Variants in PLXNA2 observed in about 807,000 individuals in gnomAD.
The protein encoded by PLXNA2 is plexin-A2.
A neutral mutation model predicts 193.5 loss-of-function variants in PLXNA2; 91 were observed. That is an observed-to-expected ratio of 0.47 (90% CI 0.40 to 0.56). The LOEUF is 0.56. Ranked by LOEUF, PLXNA2 falls within the 20% of genes least tolerant of loss-of-function variation. The pLI, the probability that PLXNA2 is intolerant of heterozygous loss-of-function variation, is 0.00. For synonymous variants in PLXNA2, 997 were observed against 1,027.3 expected, an observed-to-expected ratio of 0.97 and a Z score of 0.56; for missense variants, 1,995 against 2,503.2, an observed-to-expected ratio of 0.80 and a Z score of 4.33.
At chr1:208,178,797 C>T (rs1282475806) in intron 3 of PLXNA2, among the ~76,000 whole-genome samples, 1 of 152,248 alleles carries the variant, frequency 6.6e-6, no homozygotes, top group Non-Finnish European at 1.5e-5. Context: ...CTTACAAAAT[C>T]AGCATTTGGA....
chr1:208,188,258 T>G (rs1267406870), intron 3 of PLXNA2, among the ~76,000 whole-genome samples: 4 of 152,152 alleles, frequency 2.6e-5, no homozygotes, highest in African/African-American at 4.8e-5. Context: ...TCTAGCAAGA[T>G]AGGCTGAATG....
chr1:208,128,295 A>T (rs1262490546), intron 4 of PLXNA2, among the ~76,000 whole-genome samples: 2 of 152,180 alleles, frequency 1.3e-5, no homozygotes, highest in African/African-American at 4.8e-5. Context: ...AGGATGAAAA[A>T]TGGGCAACGT....
chr1:208,186,593 A>G (rs1473587975), intron 3 of PLXNA2, among the ~76,000 whole-genome samples: 2 of 152,192 alleles, frequency 1.3e-5, no homozygotes, highest in Non-Finnish European at 2.9e-5. Flanking sequence ...TCAGAAAGGT[A>G]GGCTTGGAGG....
At chr1:208,041,531 C>T (rs1051492765) in intron 22 of PLXNA2, among the ~76,000 whole-genome samples, 17 of 152,298 alleles carry the variant, frequency 1.1e-4, no homozygotes, top group Middle Eastern at 3.4e-3. Flanking sequence ...GAACCTTCTG[C>T]GATAATGGGA....
intron 3 of PLXNA2, among the ~76,000 whole-genome samples, chr1:208,174,801 C>G (rs1042780687): frequency 2.6e-5 from 4 of 152,244 alleles, no homozygotes; most frequent in South Asian, 4.1e-4. Flanking sequence ...GTGTTCCCCC[C>G]ACCTGTATAT....
At chr1:208,101,581 A>C (rs1307829641) in intron 5 of PLXNA2, among the ~76,000 whole-genome samples, 3 of 152,222 alleles carry the variant, frequency 2.0e-5, no homozygotes, top group African/African-American at 7.2e-5. Flanking sequence ...GGCTAATTCC[A>C]GCAGTCACGG....
chr1:208,221,381 G>GTTT (rs33915614), intron 1 of PLXNA2, among the ~76,000 whole-genome samples: 6 of 58,080 alleles, frequency 1.0e-4, no homozygotes, highest in African/African-American at 1.3e-4. Flanking sequence ...TTCTTTTTCT[G>GTTT]TTTTTTTTTT....
At chr1:208,121,476 AT>A (rs1017657475) in intron 4 of PLXNA2, among the ~76,000 whole-genome samples, 2 of 152,128 alleles carry the variant, frequency 1.3e-5, no homozygotes, top group Non-Finnish European at 2.9e-5. Context: ...TAATTGAATC[AT>A]GGGGGTGGTT....
chr1:208,079,787 T>C (rs901742600), intron 11 of PLXNA2, among the ~76,000 whole-genome samples: 1 of 113,438 alleles, frequency 8.8e-6, no homozygotes, highest in African/African-American at 3.1e-5. Flanking sequence ...AAGATAATCG[T>C]TGTTTTTTTT....
intron 3 of PLXNA2, among the ~76,000 whole-genome samples, chr1:208,201,704 C>G (rs1670558091): frequency 6.6e-6 from 1 of 152,044 alleles, no homozygotes; most frequent in Non-Finnish European, 1.5e-5. Flanking sequence ...TTTATTTAAT[C>G]CTTACAACAA....
At chr1:208,027,965 C>T in intron 31 of PLXNA2, 44 bp downstream of exon 31, 1 of 1,513,810 alleles carries the variant, frequency 6.6e-7, no homozygotes, top group Non-Finnish European at 8.9e-7. Flanking sequence ...AGGCTTCCTG[C>T]TCCTTGCCTG....
At chr1:208,150,195 TAC>T (rs1298392019) in intron 3 of PLXNA2, among the ~76,000 whole-genome samples, 5 of 152,120 alleles carry the variant, frequency 3.3e-5, no homozygotes, top group Non-Finnish European at 5.9e-5. Flanking sequence ...CTCCCACCCT[TAC>T]ACACACACGC....
chr1:208,045,776 A>T, intron 18 of PLXNA2, 102 bp downstream of exon 18: 3 of 1,434,448 alleles, frequency 2.1e-6, no homozygotes, highest in Non-Finnish European at 2.9e-6. Flanking sequence ...GTTCAATTGC[A>T]TAGAAAGGAG....
At chr1:208,190,759 A>G (rs764838569) in intron 3 of PLXNA2, among the ~76,000 whole-genome samples, 23 of 152,260 alleles carry the variant, frequency 1.5e-4, no homozygotes, top group Non-Finnish European at 2.8e-4. Context: ...ATTAATACAG[A>G]TATTAGCAAC....
intron 4 of PLXNA2, among the ~76,000 whole-genome samples, chr1:208,141,462 C>T (rs686065): frequency 0.22 from 33,916 of 152,130 alleles, 4,389 homozygotes; most frequent in Middle Eastern, 0.3. Flanking sequence ...AGTCAGTGTC[C>T]TCAGCTGCTG....
At chr1:208,239,951 G>T (rs1177615572) in intron 1 of PLXNA2, among the ~76,000 whole-genome samples, 1 of 152,172 alleles carries the variant, frequency 6.6e-6, no homozygotes, top group Non-Finnish European at 1.5e-5. Flanking sequence ...GGGTGAAGGG[G>T]GGTATGGGGG....
intron 4 of PLXNA2, among the ~76,000 whole-genome samples, chr1:208,133,917 C>T (rs1412340284): frequency 6.6e-6 from 1 of 152,192 alleles, no homozygotes; most frequent in African/African-American, 2.4e-5. Context: ...TCTGGTGAGA[C>T]ACTGTAACTT....
At chr1:208,042,497 C>T (rs1018802078) in intron 21 of PLXNA2, 131 bp from the exon 22 acceptor site, 2 of 874,322 alleles carry the variant, frequency 2.3e-6, no homozygotes. Context: ...TATAACCAAC[C>T]CCACCCCATT....
At chr1:208,174,761 A>C (rs1669609561) in intron 3 of PLXNA2, among the ~76,000 whole-genome samples, 1 of 152,164 alleles carries the variant, frequency 6.6e-6, no homozygotes, top group Non-Finnish European at 1.5e-5. Context: ...CCTGCTCCAC[A>C]CTAGCCCTTA....
Sources: gnomAD v4.1 joint callset for allele counts (sites outside exome capture counted in the v4.1 genomes callset) on GRCh38, gnomAD v4.1.1 for gene constraint, MANE v1.5 for transcripts, NCBI Gene and HGNC (gene_info 2026-07-23, HGNC 2026-07-21) for gene names.